SLC24A2: variants seen among roughly 807,000 people sequenced by gnomAD.
SLC24A2 encodes the protein sodium/potassium/calcium exchanger 2.
SLC24A2 carries 36 observed loss-of-function variants against 62.0 expected under a neutral mutation model. The observed-to-expected ratio is 0.58, with a 90% confidence interval of 0.44 to 0.77. The LOEUF is 0.77. Among genes scored for constraint, SLC24A2 ranks in the 30% least tolerant of loss-of-function variants. The probability of loss-of-function intolerance (pLI) is 0.00; values close to 1 mark genes in which losing one functional copy is unlikely to be tolerated. For missense variants in SLC24A2, 846 were observed against 817.9 expected (o/e 1.03, Z -0.42); for synonymous variants, 358 against 294.0 (o/e 1.22, Z -2.23).
In SLC24A2 at chr9:19,667,758, C is replaced by T. The variant is rs561667869; in HGVS notation, c.931-45459G>A. Among the ~76,000 whole-genome samples the T allele has an allele frequency of 3.3e-5, 5 of 152,320 alleles. No homozygotes were observed. The East Asian group carries it at 9.7e-4, about 29-fold the overall frequency. Reference sequence around the variant, plus strand: ...CCTTATATTTAAGTACTCCTTGCCCCAGCCTGCACTTGGTATTCCAGCTGT... The same window carrying T: ...CCTTATATTTAAGTACTCCTTGCCCTAGCCTGCACTTGGTATTCCAGCTGT... On this transcript the variant is annotated intron_variant, in intron 2 of 10. Coordinates refer to ENST00000341998, the MANE Select transcript of SLC24A2 (RefSeq NM_020344.4).
chr9:20,167,914 G>A, the SLC24A2 span, among the ~76,000 whole-genome samples: 6 of 151,434 alleles, frequency 4.0e-5, no homozygotes, highest in South Asian at 1.0e-3. Context: ...TCGACTGCTG[G>A]CAATTTTTAG....
intron 8 of SLC24A2, among the ~76,000 whole-genome samples, chr9:19,537,043 G>T (rs990640786): frequency 6.7e-6 from 1 of 149,240 alleles, no homozygotes; most frequent in African/African-American, 2.5e-5. Flanking sequence ...ACTTTTTGAT[G>T]GGGTTGTTTG....
chr9:20,181,513 C>G, the SLC24A2 span, among the ~76,000 whole-genome samples: 1 of 152,122 alleles, frequency 6.6e-6, no homozygotes, highest in African/African-American at 2.4e-5. Flanking sequence ...TTTGACAAAC[C>G]TGACAAAAAC....
chr9:19,965,250 C>T, the SLC24A2 span, among the ~76,000 whole-genome samples: 4 of 152,096 alleles, frequency 2.6e-5, no homozygotes, highest in East Asian at 5.8e-4. Context: ...GAAGGCAGAC[C>T]GCAGCACTGG....
chr9:19,617,318 G>A (rs1817793492), intron 4 of SLC24A2, among the ~76,000 whole-genome samples: 2 of 152,140 alleles, frequency 1.3e-5, no homozygotes, highest in Admixed American at 1.3e-4. Flanking sequence ...GTACCAGTCC[G>A]TGGTCTGGGG....
the SLC24A2 span, among the ~76,000 whole-genome samples, chr9:20,178,403 G>A: frequency 7.2e-5 from 11 of 152,058 alleles, no homozygotes; most frequent in Admixed American, 2.0e-4. Flanking sequence ...GCAGCTGAAG[G>A]GTACACTGTC....
At chr9:20,141,783 G>A in the SLC24A2 span, among the ~76,000 whole-genome samples, 3 of 151,970 alleles carry the variant, frequency 2.0e-5, no homozygotes, top group African/African-American at 7.3e-5. Context: ...ATAAAGATAA[G>A]ATTAAAATAA....
the SLC24A2 span, among the ~76,000 whole-genome samples, chr9:19,848,620 A>G: frequency 2.6e-5 from 4 of 152,196 alleles, no homozygotes; most frequent in Non-Finnish European, 5.9e-5. Flanking sequence ...AATTATAGAA[A>G]TGTAATTATA....
At chr9:19,785,304 G>C (rs915783055) in intron 2 of SLC24A2, among the ~76,000 whole-genome samples, 2 of 152,192 alleles carry the variant, frequency 1.3e-5, no homozygotes, top group Non-Finnish European at 2.9e-5. Context: ...TGCAAAGTGG[G>C]TCATTGTGAT....
At chr9:19,977,211 G>A in the SLC24A2 span, among the ~76,000 whole-genome samples, 3 of 151,754 alleles carry the variant, frequency 2.0e-5, no homozygotes, top group African/African-American at 7.3e-5. Context: ...TGGTGATTCT[G>A]GATAAAGGGT....
intron 10 of SLC24A2, among the ~76,000 whole-genome samples, chr9:19,517,619 G>C (rs1336237593): frequency 2.0e-5 from 3 of 152,160 alleles, no homozygotes; most frequent in Admixed American, 6.5e-5. Context: ...TGACTGCCTT[G>C]TGGGGATCAA....
chr9:19,663,692 A>C (rs1217813098), intron 2 of SLC24A2, among the ~76,000 whole-genome samples: 1 of 152,152 alleles, frequency 6.6e-6, no homozygotes, highest in Non-Finnish European at 1.5e-5. Flanking sequence ...TTTCTCCCTC[A>C]TTAAGTGCGT....
In SLC24A2 at chr9:19,509,416, AC is replaced by A. The variant is rs1276063731; in HGVS notation, c.*6736del. Reference sequence around the variant, plus strand: ...ACAGATAAACTCCAATTTACAATAAACAATACAAAACAGGAATGACTCATGG... The same window carrying A: ...ACAGATAAACTCCAATTTACAATAAAAATACAAAACAGGAATGACTCATGG... On this transcript the variant is annotated 3_prime_UTR_variant, in exon 11 of 11. Coordinates refer to ENST00000341998, the MANE Select transcript of SLC24A2 (RefSeq NM_020344.4). 2 of 152,186 alleles carry A rather than the reference AC, an allele frequency of 1.3e-5. No individual in the cohort carries two copies. The highest frequency in any genetic ancestry group is 4.8e-5 in the African/African-American group (2 of 41,460). The allele number at this position is 152,186 out of a possible 1,614,324, so 9.4% of individuals were successfully genotyped here.
chr9:20,201,105 T>C, the SLC24A2 span, among the ~76,000 whole-genome samples: 3 of 152,060 alleles, frequency 2.0e-5, no homozygotes, highest in East Asian at 3.9e-4. Context: ...GTACACAGAG[T>C]GGGACACAGA....
At chr9:20,232,651 G>C in the SLC24A2 span, among the ~76,000 whole-genome samples, 1 of 152,018 alleles carries the variant, frequency 6.6e-6, no homozygotes, top group South Asian at 2.1e-4. Context: ...TCTTGCTAGC[G>C]GTCTATCAAT....
the SLC24A2 span, among the ~76,000 whole-genome samples, chr9:19,904,913 A>C: frequency 6.6e-6 from 1 of 152,196 alleles, no homozygotes; most frequent in African/African-American, 2.4e-5. Flanking sequence ...TATTTACTTA[A>C]AGGAATAAAG....
the SLC24A2 span, among the ~76,000 whole-genome samples, chr9:20,021,488 C>G: frequency 2.6e-5 from 4 of 151,928 alleles, no homozygotes; most frequent in East Asian, 7.7e-4. Context: ...AGCCACAGCA[C>G]CAGGAGAACG....
chr9:20,244,302 G>A, the SLC24A2 span, among the ~76,000 whole-genome samples: 1 of 152,156 alleles, frequency 6.6e-6, no homozygotes, highest in Admixed American at 6.5e-5. Flanking sequence ...TAAGGAAAGC[G>A]AGAACAAGTG....
Position 19,636,383 on chromosome 9 carries a change from CTT to C in SLC24A2, c.931-14086_931-14085del, listed in dbSNP as rs368487848. On this transcript the variant is annotated intron_variant, in intron 2 of 10. Coordinates refer to ENST00000341998, the MANE Select transcript of SLC24A2 (RefSeq NM_020344.4). ...TCTTTCTTTCTTTCTTTCTTTCTTT[CTT>C]TCTCCCTCTCTCTCTCTCTCTCTTT... Among the ~76,000 whole-genome samples the C allele has an allele frequency of 4.5e-3, 98 of 21,618 alleles. 9 individuals are homozygous for C. Among genetic ancestry groups the C allele is most frequent in the African/African-American group, 9.9e-3 (64 of 6,444 alleles). 14.2% of individuals were successfully genotyped at this position (21,618 alleles called of 152,430 possible). A position where few individuals can be genotyped will look rare whatever the true frequency, so the allele number is the denominator to read the frequency against.
Sources: gnomAD v4.1 joint callset for allele counts (sites outside exome capture counted in the v4.1 genomes callset) on GRCh38, gnomAD v4.1.1 for gene constraint, MANE v1.5 for transcripts, NCBI Gene and HGNC (gene_info 2026-07-23, HGNC 2026-07-21) for gene names.